Variants in UMODL1 observed in about 807,000 individuals in gnomAD.
UMODL1 encodes the protein uromodulin-like 1.
UMODL1 carries 128 observed loss-of-function variants against 136.3 expected under a neutral mutation model. The observed-to-expected ratio is 0.94, with a 90% CI of 0.81 to 1.09. The LOEUF (loss-of-function observed/expected upper bound fraction) is 1.09, where lower values mean the gene tolerates loss of function less well. Among genes scored for constraint, UMODL1 ranks in the 50% least tolerant of loss-of-function variants. UMODL1 has a pLI of 0.00. For synonymous variants in UMODL1, 721 were observed against 720.0 expected (o/e 1.00, Z -0.02); for missense variants, 1,766 against 1,725.6 (o/e 1.02, Z -0.41).
chr21:42,139,035 G>A (rs566505483), intron 22 of UMODL1, among the ~76,000 whole-genome samples: 3 of 152,172 alleles, frequency 2.0e-5, no homozygotes, highest in Non-Finnish European at 4.4e-5. Flanking sequence ...GGGTGTGGTG[G>A]CACACACCTG....
intron 8 of UMODL1, 193 bp from the exon 9 acceptor site, chr21:42,103,675 T>A: frequency 1.4e-6 from 1 of 730,054 alleles, no homozygotes; most frequent in Non-Finnish European, 2.5e-6. Flanking sequence ...GGCCCGGCCG[T>A]CCCAGGGAAA....
intron 21 of UMODL1, among the ~76,000 whole-genome samples, chr21:42,136,064 C>T (rs1314184874): frequency 2.0e-5 from 3 of 152,130 alleles, no homozygotes; most frequent in Non-Finnish European, 2.9e-5. Flanking sequence ...GTGGCTGTGA[C>T]CTGGCTATAG....
At chr21:42,136,153 G>A (rs1025664445) in intron 21 of UMODL1, among the ~76,000 whole-genome samples, 3 of 152,146 alleles carry the variant, frequency 2.0e-5, no homozygotes, top group African/African-American at 7.2e-5. Flanking sequence ...GGGCCAGCCA[G>A]AGAGCCAGCA....
Position 42,123,129 on chromosome 21 carries a change from G to C in UMODL1, c.3126G>C (p.Glu1042Asp), listed in dbSNP as rs1327716685. The C allele has an allele frequency of 1.2e-6, 2 of 1,613,418 alleles. No individual in the cohort carries two copies. Among genetic ancestry groups the C allele is most frequent in the Non-Finnish European group, 1.7e-6 (2 of 1,179,676 alleles). ...THVLLEAGWSECGTLMQSNMT... is the reference protein window; with the variant it reads ...THVLLEAGWSDCGTLMQSNMT... ...TGCTCCTGGAGGCCGGCTGGAGCGA[G>C]TGTGGGACCCTCATGCAGAGCGTAA... The change falls in exon 17 of 23, where the codon GAG (glutamate) becomes GAC (aspartate). Residue 1042 changes from glutamate to aspartate, a missense_variant. By Grantham distance (45) the Glu-to-Asp change is conservative. Coordinates refer to ENST00000408910, the MANE Select transcript of UMODL1 (RefSeq NM_001004416.3). This position sits in a 1 kb window ranked among gnomAD's most constrained non-coding sequence, Gnocchi z 4.4.
Position 42,127,237 on chromosome 21 carries a change from C to CA in UMODL1, c.3527dup (p.Asn1176LysfsTer14). The stretch of plus-strand genomic sequence containing the variant: ...ACCCCATCACCTTCAGCTTCATTAA[C>CA]AACAGGTAGGGCTCAGGAGTGCAGG... On this transcript the variant is annotated frameshift_variant, in exon 19 of 23. Transcript: ENST00000408910. LOFTEE classifies it high-confidence loss of function. 1 of 1,614,028 alleles carries CA rather than the reference C, an allele frequency of 6.2e-7. No homozygotes were observed. The highest frequency in any genetic ancestry group is 8.5e-7 in the Non-Finnish European group (1 of 1,179,964).
intron 6 of UMODL1, among the ~76,000 whole-genome samples, chr21:42,090,827 TGTTA>T (rs769797519): frequency 6.6e-5 from 10 of 152,248 alleles, no homozygotes; most frequent in African/African-American, 1.7e-4. Flanking sequence ...ACAGTTCTGA[TGTTA>T]GTTCTGTTTA....
intron 2 of UMODL1, among the ~76,000 whole-genome samples, chr21:42,083,066 C>T (rs547985797): frequency 2.6e-5 from 4 of 152,324 alleles, no homozygotes; most frequent in South Asian, 2.1e-4. Context: ...AGGCTGGCCG[C>T]GTTTCTGTGT....
intron 21 of UMODL1, among the ~76,000 whole-genome samples, chr21:42,136,451 G>T (rs1041379280): frequency 6.6e-6 from 1 of 152,140 alleles, no homozygotes; most frequent in Non-Finnish European, 1.5e-5. Context: ...TCATGTTATT[G>T]GTGCCTCTTG....
At position 42,122,824 on chromosome 21, in the gene UMODL1, C is replaced by T; in HGVS notation, c.2828-7C>T. ...ACTCTTTGCCTTTTCCTCCTTGTGC[C>T]TTGCAGGTGACTCTCCTGGCAATGA... On this transcript the variant is annotated splice_polypyrimidine_tract_variant and splice_region_variant and intron_variant, in intron 16 of 22. Transcript: ENST00000408910. This position sits in a 1 kb window ranked among gnomAD's most constrained non-coding sequence, Gnocchi z 4.3. 1 of 1,585,548 alleles carries T rather than the reference C, an allele frequency of 6.3e-7. No homozygotes were observed. Among genetic ancestry groups the T allele is most frequent in the Non-Finnish European group, 8.6e-7 (1 of 1,163,976 alleles).
chr21:42,109,079 G>T, intron 9 of UMODL1, among the ~76,000 whole-genome samples: 1 of 118,568 alleles, frequency 8.4e-6, no homozygotes, highest in African/African-American at 3.3e-5. Flanking sequence ...ATACTCCGCT[G>T]GACCCCCACC....
At position 42,123,285 on chromosome 21, in the gene UMODL1, G is replaced by T. The variant is rs2067005070; in HGVS notation, c.3147+135G>T. ...CCCAGCAAGGGGGGTTCAGGACAGG[G>T]TTGAGTTCTCAACCAGGGACCAGCC... On this transcript the variant is annotated intron_variant, in intron 17 of 22. Transcript: ENST00000408910. This position sits in a 1 kb window ranked among gnomAD's most constrained non-coding sequence, Gnocchi z 4.4. 1 of 1,068,300 alleles carries T rather than the reference G, an allele frequency of 9.4e-7. No individual in the cohort carries two copies. The highest frequency in any genetic ancestry group is 1.3e-6 in the Non-Finnish European group (1 of 763,134). 66.2% of individuals were successfully genotyped at this position (1,068,300 alleles called of 1,614,324 possible).
At chr21:42,120,875 TCCAGAACAGC>T (rs2066960857) in intron 15 of UMODL1, 1 of 508,754 alleles carries the variant, frequency 2.0e-6, no homozygotes, top group Non-Finnish European at 3.4e-6. Context: ...GAATCCTCCT[TCCAGAACAGC>T]CCCTGCAGAC....
intron 1 of UMODL1, among the ~76,000 whole-genome samples, chr21:42,073,185 G>A (rs2066251370): frequency 6.6e-6 from 1 of 152,230 alleles, no homozygotes; most frequent in East Asian, 1.9e-4. Flanking sequence ...AGGTTACGAT[G>A]AAAAACGCAA....
At chr21:42,108,803 A>G (rs1030901834) in intron 9 of UMODL1, among the ~76,000 whole-genome samples, 1 of 87,604 alleles carries the variant, frequency 1.1e-5, no homozygotes. Flanking sequence ...GGAGGGACAT[A>G]CCTGTGGAGA....
intron 6 of UMODL1, among the ~76,000 whole-genome samples, chr21:42,096,404 C>T (rs1422852318): frequency 1.3e-5 from 2 of 152,084 alleles, no homozygotes; most frequent in Non-Finnish European, 2.9e-5. Flanking sequence ...ATCCAAAAAC[C>T]CCCTGGCATC....
chr21:42,104,000 A>G lies in UMODL1; in HGVS notation c.1432A>G (p.Met478Val), dbSNP rs2066676783. The G allele has an allele frequency of 1.9e-6, 3 of 1,614,002 alleles. No individual in the cohort carries two copies. In the South Asian group the frequency reaches 3.3e-5, roughly 18 times the overall value. ...KLTVQDPGFP[M>V]GISTLAPILQ... is the part of the protein sequence containing the mutation. ...CACCGTGCAGGACCCCGGGTTTCCC[A>G]TGGGCATCTCCACGCTGGCCCCCAT... The change falls in exon 9 of 23, where the codon ATG (methionine) becomes GTG (valine). Residue 478 changes from methionine to valine, a missense_variant. Coordinates refer to ENST00000408910, the MANE Select transcript of UMODL1 (RefSeq NM_001004416.3).
At chr21:42,121,043 C>T (rs74870598) in intron 15 of UMODL1, 44 bp from the exon 16 acceptor site, 2 of 1,581,312 alleles carry the variant, frequency 1.3e-6, no homozygotes, top group Non-Finnish European at 8.6e-7. Flanking sequence ...AGACCACAAG[C>T]CCCCAGGGAT....
intron 4 of UMODL1, chr21:42,086,481 G>A (rs562634786): frequency 2.2e-6 from 1 of 454,794 alleles, no homozygotes; most frequent in Admixed American, 2.3e-5. Flanking sequence ...GTAGTCTGCA[G>A]CCTCGGCCTT....
In UMODL1 at chr21:42,104,015, C is replaced by T. The variant is rs758786952; in HGVS notation, c.1447C>T (p.Leu483=). Residue 483 remains leucine, a synonymous_variant, in exon 9 of 23, where the codon CTG becomes TTG. Coordinates refer to ENST00000408910, the MANE Select transcript of UMODL1 (RefSeq NM_001004416.3). ...CGGGTTTCCCATGGGCATCTCCACG[C>T]TGGCCCCCATACTCCAGCCCCTGTT... ...DPGFPMGIST[L]APILQPLLAS... 2.5e-6 allele frequency: 4 copies of T among 1,613,914 alleles called. No individual in the cohort carries two copies. The highest frequency in any genetic ancestry group is 2.2e-5 in the East Asian group (1 of 44,894).
Sources: allele counts gnomAD v4.1 joint callset (sites outside exome capture counted in the v4.1 genomes callset), GRCh38; gene constraint gnomAD v4.1.1; non-coding constraint Gnocchi (gnomAD v3.1); transcripts MANE v1.5; gene names NCBI Gene and HGNC (gene_info 2026-07-23, HGNC 2026-07-21).